Variants in NR3C2 observed in about 807,000 individuals in gnomAD.
NR3C2 encodes nuclear receptor subfamily 3 group C member 2, also known as mineralocorticoid receptor.
In NR3C2, 15 loss-of-function variants were observed where a neutral mutation model predicts 86.4. The observed-to-expected ratio is 0.17, with a 90% CI of 0.12 to 0.27. NR3C2 has a LOEUF of 0.27. Ranked by LOEUF, NR3C2 falls within the 10% of genes least tolerant of loss-of-function variation. NR3C2 has a pLI of 1.00. For missense variants in NR3C2, 960 were observed against 1,195.6 expected (o/e 0.80, Z 2.91); for synonymous variants, 458 against 450.5 (o/e 1.02, Z -0.21).
At chr4:148,349,673 C>T (rs943097038) in intron 2 of NR3C2, among the ~76,000 whole-genome samples, 1 of 152,114 alleles carries the variant, frequency 6.6e-6, no homozygotes, top group Admixed American at 6.6e-5. Flanking sequence ...TAACTACTTT[C>T]CTTAGTGTTT....
chr4:148,235,900 T>C (rs1738727788), intron 3 of NR3C2, among the ~76,000 whole-genome samples: 1 of 152,226 alleles, frequency 6.6e-6, no homozygotes, highest in African/African-American at 2.4e-5. Context: ...TAAAGCTACC[T>C]TTCTTCCTCC....
chr4:148,338,029 G>A lies in NR3C2; in HGVS notation c.1758-77912C>T, dbSNP rs28696868. Among the ~76,000 whole-genome samples, 960 of 152,156 alleles carry A rather than the reference G, an allele frequency of 6.3e-3. 7 individuals carry two copies. Among genetic ancestry groups the A allele is most frequent in the African/African-American group, 0.022 (932 of 41,516 alleles). On this transcript the variant is annotated intron_variant, in intron 2 of 8. Coordinates refer to ENST00000358102, the MANE Select transcript of NR3C2 (RefSeq NM_000901.5). The stretch of plus-strand genomic sequence containing the variant: ...TACATACCTAAGTTTTTCCCTATTT[G>A]TAGCATTGGGATTAAATAAAACGGG...
intron 2 of NR3C2, among the ~76,000 whole-genome samples, chr4:148,421,321 G>A (rs1749270560): frequency 6.6e-6 from 1 of 152,162 alleles, no homozygotes; most frequent in Non-Finnish European, 1.5e-5. Flanking sequence ...GTGCACTGTT[G>A]TTTGTTATAG....
chr4:148,293,012 T>A (rs1741869882), intron 2 of NR3C2, among the ~76,000 whole-genome samples: 2 of 152,052 alleles, frequency 1.3e-5, no homozygotes, highest in Admixed American at 6.6e-5. Flanking sequence ...TTAGAGCTTT[T>A]GAAAAAATGC....
intron 2 of NR3C2, among the ~76,000 whole-genome samples, chr4:148,407,313 T>C (rs908880596): frequency 1.3e-5 from 2 of 152,164 alleles, no homozygotes; most frequent in Non-Finnish European, 2.9e-5. Flanking sequence ...CTGTTACATG[T>C]AGGGTTCACT....
At chr4:148,141,610 G>T (rs148705943) in intron 6 of NR3C2, among the ~76,000 whole-genome samples, 158 of 152,234 alleles carry the variant, frequency 1.0e-3, no homozygotes, top group Admixed American at 2.8e-3. Context: ...ATAGAGCAGG[G>T]GTCCCCAAGC....
At chr4:148,319,548 T>C (rs1743433235) in intron 2 of NR3C2, among the ~76,000 whole-genome samples, 1 of 149,434 alleles carries the variant, frequency 6.7e-6, no homozygotes, top group Non-Finnish European at 1.5e-5. Flanking sequence ...CCTCTTTTAT[T>C]TCCTTGAGCA....
intron 6 of NR3C2, among the ~76,000 whole-genome samples, chr4:148,145,101 T>G (rs889530244): frequency 6.6e-6 from 1 of 152,084 alleles, no homozygotes; most frequent in Non-Finnish European, 1.5e-5. Flanking sequence ...TCCTAATAGA[T>G]AGAAAAACCT....
At chr4:148,290,350 T>A (rs1161105200) in intron 2 of NR3C2, among the ~76,000 whole-genome samples, 1 of 152,034 alleles carries the variant, frequency 6.6e-6, no homozygotes, top group African/African-American at 2.4e-5. Context: ...ACATACAAAT[T>A]TGGTGGGGAG....
At chr4:148,273,518 T>C (rs1740799812) in intron 2 of NR3C2, among the ~76,000 whole-genome samples, 1 of 152,188 alleles carries the variant, frequency 6.6e-6, no homozygotes. Flanking sequence ...AGATGGCATG[T>C]TGGGTTTTTT....
At chr4:148,287,165 G>C (rs1381745311) in intron 2 of NR3C2, among the ~76,000 whole-genome samples, 2 of 152,178 alleles carry the variant, frequency 1.3e-5, no homozygotes, top group African/African-American at 2.4e-5. Context: ...TTTCTCTACT[G>C]TTAACTATTT....
intron 3 of NR3C2, among the ~76,000 whole-genome samples, chr4:148,213,949 T>C (rs1009415752): frequency 6.6e-6 from 1 of 152,238 alleles, no homozygotes; most frequent in Non-Finnish European, 1.5e-5. Context: ...ACTTGAATTA[T>C]TGAAAAGAAA....
intron 8 of NR3C2, among the ~76,000 whole-genome samples, chr4:148,089,639 G>A: frequency 6.6e-6 from 1 of 152,184 alleles, no homozygotes; most frequent in African/African-American, 2.4e-5. Flanking sequence ...TCTATAAAAT[G>A]AGGGATGGGA....
chr4:148,387,430 T>A (rs1385179015), intron 2 of NR3C2, among the ~76,000 whole-genome samples: 1 of 152,178 alleles, frequency 6.6e-6, no homozygotes, highest in East Asian at 1.9e-4. Flanking sequence ...TAGCCTGAGT[T>A]TTCTGTTACA....
chr4:148,407,538 T>C (rs1208166849), intron 2 of NR3C2, among the ~76,000 whole-genome samples: 1 of 152,218 alleles, frequency 6.6e-6, no homozygotes, highest in Non-Finnish European at 1.5e-5. Context: ...TAAAACAGTG[T>C]TAAAGTCTGT....
chr4:148,373,650 A>AT (rs978841766), intron 2 of NR3C2, among the ~76,000 whole-genome samples: 24 of 151,158 alleles, frequency 1.6e-4, no homozygotes, highest in Non-Finnish European at 2.7e-4. Context: ...AATTTTTTGT[A>AT]TTTTTTTAGT....
intron 4 of NR3C2, among the ~76,000 whole-genome samples, chr4:148,169,389 T>C (rs1735024087): frequency 6.6e-6 from 1 of 151,956 alleles, no homozygotes; most frequent in Admixed American, 6.6e-5. Flanking sequence ...GAAACACATA[T>C]GATATATTAC....
At chr4:148,082,214 T>C (rs907498705) in intron 8 of NR3C2, among the ~76,000 whole-genome samples, 13 of 152,182 alleles carry the variant, frequency 8.5e-5, no homozygotes, top group African/African-American at 3.1e-4. Context: ...CCAAGAACTT[T>C]TCTCAGCCCC....
At chr4:148,129,526 T>G (rs772800016) in intron 6 of NR3C2, among the ~76,000 whole-genome samples, 4 of 152,182 alleles carry the variant, frequency 2.6e-5, no homozygotes, top group Non-Finnish European at 5.9e-5. Context: ...TTATCACAAC[T>G]AAAATATGTT....
Sources: allele counts gnomAD v4.1 joint callset (sites outside exome capture counted in the v4.1 genomes callset), GRCh38; gene constraint gnomAD v4.1.1; transcripts MANE v1.5; gene names NCBI Gene and HGNC (gene_info 2026-07-23, HGNC 2026-07-21).